RBMS3: variants seen among roughly 807,000 people sequenced by gnomAD.
The protein encoded by RBMS3 is RNA binding motif single stranded interacting protein 3, also known as RNA-binding motif, single-stranded-interacting protein 3.
Under a neutral mutation model 66.8 loss-of-function variants are expected in RBMS3, and 27 were observed. The observed-to-expected ratio is 0.40, with a 90% CI of 0.30 to 0.56. RBMS3 has a LOEUF of 0.56. Ranked by LOEUF, RBMS3 falls within the 20% of genes least tolerant of loss-of-function variation. The pLI, the probability that RBMS3 is intolerant of heterozygous loss-of-function variation, is 0.40. For synonymous variants in RBMS3, 188 were observed against 183.0 expected, an observed-to-expected ratio of 1.03 and a Z score of -0.22; for missense variants, 513 against 549.5, an observed-to-expected ratio of 0.93 and a Z score of 0.66.
rs1042976847 is a variant in RBMS3, at chr3:29,408,733, C to T, written c.76-26010C>T. Among the ~76,000 whole-genome samples, 12 of 152,110 alleles carry T rather than the reference C, an allele frequency of 7.9e-5. No homozygotes were observed. In the East Asian group the frequency reaches 1.2e-3, roughly 15 times the overall value. On this transcript the variant is annotated intron_variant, in intron 1 of 14. Coordinates refer to ENST00000383767, the MANE Select transcript of RBMS3 (RefSeq NM_001003793.3). The stretch of plus-strand genomic sequence containing the variant: ...TACCTACACTGTTATATTGTGTAAT[C>T]GCTGTACCAACTAATATTTTTCGTC...
rs190670893 is a variant in RBMS3, at chr3:29,331,025, T to C, written c.75+49269T>C. On this transcript the variant is annotated intron_variant, in intron 1 of 14. Coordinates refer to ENST00000383767, the MANE Select transcript of RBMS3 (RefSeq NM_001003793.3). Reference sequence around the variant, plus strand: ...TTTAGGGGCTATGTTGGCATATTTGTGCTGGTGCTGGGACAAGAGCATTGG... The same window carrying C: ...TTTAGGGGCTATGTTGGCATATTTGCGCTGGTGCTGGGACAAGAGCATTGG... Among the ~76,000 whole-genome samples the C allele has an allele frequency of 2.5e-3, 377 of 152,280 alleles. 2 individuals carry two copies. Among genetic ancestry groups the C allele is most frequent in the African/African-American group, 8.8e-3 (367 of 41,556 alleles).
At chr3:29,941,675 A>G (rs899607729) in intron 11 of RBMS3, among the ~76,000 whole-genome samples, 4 of 151,760 alleles carry the variant, frequency 2.6e-5, no homozygotes, top group Non-Finnish European at 4.4e-5. Context: ...TGAATTCTGA[A>G]TTCAAATAAA....
At chr3:29,595,409 A>T (rs2047910772) in intron 4 of RBMS3, among the ~76,000 whole-genome samples, 1 of 151,482 alleles carries the variant, frequency 6.6e-6, no homozygotes, top group Admixed American at 6.6e-5. Context: ...AAAAAAAAAA[A>T]AAAAAAGAAA....
At chr3:29,532,822 G>A (rs1032023515) in intron 3 of RBMS3, among the ~76,000 whole-genome samples, 1 of 152,082 alleles carries the variant, frequency 6.6e-6, no homozygotes, top group Non-Finnish European at 1.5e-5. Context: ...GTAATGGGAA[G>A]TAATGTAACA....
intron 12 of RBMS3, among the ~76,000 whole-genome samples, chr3:29,972,457 T>A (rs1346109378): frequency 2.7e-5 from 4 of 148,040 alleles, no homozygotes; most frequent in Non-Finnish European, 5.9e-5. Flanking sequence ...TTTTCTTCTC[T>A]CCATTTTCTC....
chr3:29,732,143 A>G (rs139008094), intron 4 of RBMS3, among the ~76,000 whole-genome samples: 2,433 of 152,100 alleles, frequency 0.016, 27 homozygotes, highest in Admixed American at 0.032. Flanking sequence ...ACAAGTCCTA[A>G]GATCTTCTGT....
In RBMS3 at chr3:29,868,889, T is replaced by A; in HGVS notation, c.669T>A (p.Ala223=). ...GTGAGCCTTTGCTGTGCAAATTCGC[T>A]GATGGAGGACAAAAGAAGCGACAGA... is the stretch of plus-strand genomic sequence containing the variant. ...APSEPLLCKF[A]DGGQKKRQNQ... Residue 223 remains alanine (A), a synonymous_variant, in exon 7 of 15, where the codon GCT becomes GCA. Coordinates refer to ENST00000383767, the MANE Select transcript of RBMS3 (RefSeq NM_001003793.3). 6.2e-7 allele frequency: 1 copy of A among 1,603,438 alleles called. No homozygotes were observed. Among genetic ancestry groups the A allele is most frequent in the Non-Finnish European group, 8.5e-7 (1 of 1,174,304 alleles).
At chr3:29,304,735 C>T (rs371063447) in intron 1 of RBMS3, among the ~76,000 whole-genome samples, 43 of 152,024 alleles carry the variant, frequency 2.8e-4, no homozygotes, top group African/African-American at 9.4e-4. Flanking sequence ...GTTATTCCAC[C>T]GGATATTACC....
intron 10 of RBMS3, 78 bp downstream of exon 10, chr3:29,899,833 G>A: frequency 7.1e-7 from 1 of 1,411,712 alleles, no homozygotes. Flanking sequence ...AAGCTTTGGG[G>A]TAAAGCTTTT....
intron 6 of RBMS3, among the ~76,000 whole-genome samples, chr3:29,769,092 G>A (rs57182129): frequency 0.02 from 3,051 of 151,908 alleles, 96 homozygotes; most frequent in African/African-American, 0.069. Flanking sequence ...TTAAAGAGCA[G>A]AGATTATAAA....
intron 6 of RBMS3, among the ~76,000 whole-genome samples, chr3:29,785,052 C>G (rs1053003852): frequency 1.2e-4 from 18 of 151,880 alleles, no homozygotes; most frequent in African/African-American, 4.1e-4. Flanking sequence ...AAAAAAAGAC[C>G]AGGACCACAT....
chr3:29,554,307 T>C (rs977013272), intron 3 of RBMS3, among the ~76,000 whole-genome samples: 3 of 152,240 alleles, frequency 2.0e-5, no homozygotes, highest in Non-Finnish European at 4.4e-5. Context: ...TCTTAGCCTT[T>C]GGCTTTCAGC....
intron 1 of RBMS3, among the ~76,000 whole-genome samples, chr3:29,420,947 G>GC (rs777463375): frequency 0.11 from 14,198 of 125,400 alleles, 1,747 homozygotes; most frequent in African/African-American, 0.3. Context: ...TACTAAAAAT[G>GC]AAAAAAAAAA....
intron 6 of RBMS3, among the ~76,000 whole-genome samples, chr3:29,806,413 A>G (rs1188250942): frequency 1.3e-5 from 2 of 151,940 alleles, no homozygotes; most frequent in Non-Finnish European, 1.5e-5. Flanking sequence ...GTTAAGCACA[A>G]AACTGTTTTT....
rs73058235 is a variant in RBMS3 at position 29,342,602 on chromosome 3, C to T, written c.75+60846C>T. On this transcript the variant is annotated intron_variant, in intron 1 of 14. Transcript: ENST00000383767. ...ACACAATGGATAACATATAGTATAA[C>T]GTAGCTATATGCCGAGGATATTATC... 9.9e-3 allele frequency among the ~76,000 whole-genome samples: 1,501 copies of T among 152,142 alleles called. 9 individuals carry two copies. The highest frequency in any genetic ancestry group is 0.014 in the South Asian group (68 of 4,820).
At chr3:29,937,576 G>C (rs2061298886) in intron 11 of RBMS3, among the ~76,000 whole-genome samples, 1 of 151,938 alleles carries the variant, frequency 6.6e-6, no homozygotes. Flanking sequence ...CATAAACAAA[G>C]TGCCTATCAC....
intron 1 of RBMS3, among the ~76,000 whole-genome samples, chr3:29,420,642 A>C (rs1258975301): frequency 1.3e-5 from 2 of 150,414 alleles, no homozygotes; most frequent in African/African-American, 4.9e-5. Flanking sequence ...TTTCTCGCAG[A>C]GTTTCAGAAT....
At chr3:29,842,256 G>A (rs927042513) in intron 6 of RBMS3, among the ~76,000 whole-genome samples, 2 of 151,974 alleles carry the variant, frequency 1.3e-5, no homozygotes, top group Non-Finnish European at 2.9e-5. Flanking sequence ...TGTTTTTCTT[G>A]CATCTTGGAT....
At chr3:29,865,339 G>C (rs562144272) in intron 6 of RBMS3, among the ~76,000 whole-genome samples, 1 of 152,168 alleles carries the variant, frequency 6.6e-6, no homozygotes, top group Admixed American at 6.5e-5. Context: ...CCATTGTTAG[G>C]GGACCATAAA....
Sources: gnomAD v4.1 joint callset for allele counts (sites outside exome capture counted in the v4.1 genomes callset) on GRCh38, gnomAD v4.1.1 for gene constraint, MANE v1.5 for transcripts, NCBI Gene and HGNC (gene_info 2026-07-23, HGNC 2026-07-21) for gene names.